ZNF212: variants seen among roughly 807,000 people sequenced by gnomAD.
ZNF212 encodes the protein zinc finger protein 212.
In ZNF212, 32 loss-of-function variants were observed where a neutral mutation model predicts 47.3. The observed-to-expected ratio is 0.68, with a 90% CI of 0.51 to 0.91. The LOEUF is 0.91. ZNF212 is among the 40% of genes least tolerant of loss of function. The probability of loss-of-function intolerance (pLI) is 0.00; values close to 1 mark genes in which losing one functional copy is unlikely to be tolerated. For synonymous variants in ZNF212, 242 were observed against 253.8 expected (o/e 0.95, Z 0.44); for missense variants, 555 against 622.8 (o/e 0.89, Z 1.16).
chr7:149,245,752 C>T (rs1796667319), intron 1 of ZNF212, among the ~76,000 whole-genome samples: 1 of 152,188 alleles, frequency 6.6e-6, no homozygotes, highest in South Asian at 2.1e-4. Context: ...AGCTGTCCTC[C>T]CGCCTCAAGC....
intron 1 of ZNF212, among the ~76,000 whole-genome samples, 198 bp from the exon 2 acceptor site, chr7:149,249,961 G>C (rs1006469521): frequency 1.4e-4 from 21 of 152,078 alleles, no homozygotes; most frequent in Non-Finnish European, 5.9e-5. Context: ...AAGATTTTGT[G>C]TAATATTTTC....
At chr7:149,252,226 G>T (rs1169621174) in intron 3 of ZNF212, among the ~76,000 whole-genome samples, 2 of 152,166 alleles carry the variant, frequency 1.3e-5, no homozygotes, top group Non-Finnish European at 2.9e-5. Flanking sequence ...GAGCAGAGTA[G>T]GAGGTAAAGG....
intron 1 of ZNF212, chr7:149,240,051 C>T: frequency 2.4e-6 from 1 of 409,912 alleles, no homozygotes. Context: ...CTGACGCTTG[C>T]TTTAGGTTGG....
chr7:149,248,972 A>G (rs1796715356), intron 1 of ZNF212, among the ~76,000 whole-genome samples: 1 of 152,102 alleles, frequency 6.6e-6, no homozygotes, highest in Non-Finnish European at 1.5e-5. Flanking sequence ...TATTTCCTCT[A>G]GTGTCTCGGT....
chr7:149,250,909 G>T, intron 3 of ZNF212, 102 bp downstream of exon 3: 2 of 1,510,442 alleles, frequency 1.3e-6, no homozygotes, highest in Non-Finnish European at 1.8e-6. Flanking sequence ...GTGGCTGTGG[G>T]TCCTCTGTCG....
chr7:149,254,426 C>T lies in ZNF212; in HGVS notation c.*11C>T. ...AATGGCCTGCTTTAAGGGTGCAGCC[C>T]CTCGCCCGTCTGGGGGATGGAGGGG... On this transcript the variant is annotated 3_prime_UTR_variant, in exon 5 of 5. Coordinates refer to ENST00000335870, the MANE Select transcript of ZNF212 (RefSeq NM_012256.4). This position sits in a 1 kb window ranked among gnomAD's most constrained non-coding sequence, Gnocchi z 4.5. 6.3e-7 allele frequency: 1 copy of T among 1,578,830 alleles called. No homozygotes were observed. Among genetic ancestry groups the T allele is most frequent in the Non-Finnish European group, 8.6e-7 (1 of 1,169,422 alleles).
At position 149,253,865 on chromosome 7, in the gene ZNF212, C is replaced by A; in HGVS notation, c.938C>A (p.Ser313Tyr). The change falls in exon 5 of 5, where the codon TCC (serine) becomes TAC (tyrosine). Residue 313 changes from serine to tyrosine, a missense_variant. Coordinates refer to ENST00000335870, the MANE Select transcript of ZNF212 (RefSeq NM_012256.4). ...GQGLKLKKDT[S>Y]RPYECSECEI... ...GGCCTGAAGCTGAAAAAGGACACTT[C>A]CCGCCCCTACGAATGTTCTGAGTGT... The A allele has an allele frequency of 6.2e-7, 1 of 1,614,060 alleles. No individual in the cohort carries two copies. Among genetic ancestry groups the A allele is most frequent in the Non-Finnish European group, 8.5e-7 (1 of 1,180,030 alleles).
chr7:149,254,369 G>C lies in ZNF212; in HGVS notation c.1442G>C (p.Arg481Pro). ...CACCAGAAGATCCACCAGCGGGAGC[G>C]GGGTGGGCTGGCCCTGGAGCCCGGA... ...LQHQKIHQRE[R>P]GGLALEPGRP... Residue 481 changes from arginine (R) to proline (P), a missense_variant, in exon 5 of 5, where the codon CGG (arginine) becomes CCG (proline). Coordinates refer to ENST00000335870, the MANE Select transcript of ZNF212 (RefSeq NM_012256.4). The surrounding 1 kb of genome is among the most constrained non-coding windows in gnomAD (Gnocchi z 4.5). The C allele has an allele frequency of 6.2e-7, 1 of 1,608,168 alleles. No homozygotes were observed. The highest frequency in any genetic ancestry group is 8.5e-7 in the Non-Finnish European group (1 of 1,179,894).
At chr7:149,249,070 G>A (rs1796716734) in intron 1 of ZNF212, among the ~76,000 whole-genome samples, 1 of 152,158 alleles carries the variant, frequency 6.6e-6, no homozygotes, top group African/African-American at 2.4e-5. Flanking sequence ...AGGGGGTTAG[G>A]ACTGAAGTGA....
In ZNF212 at chr7:149,250,420, G is replaced by A. The variant is rs145764415; in HGVS notation, c.286G>A (p.Val96Met). Residue 96 changes from valine to methionine, a missense_variant, in exon 2 of 5, where the codon GTG becomes ATG. Coordinates refer to ENST00000335870, the MANE Select transcript of ZNF212 (RefSeq NM_012256.4). ...GAACCAGCTGGAGGGCAAGTGGGCC[G>A]TGCTGGGGACCCTGCTGCAGGAGTA... ...FGNQLEGKWA[V>M]LGTLLQEYGL... The A allele has an allele frequency of 2.3e-5, 37 of 1,614,208 alleles. No individual in the cohort carries two copies. The highest frequency in any genetic ancestry group is 5.3e-5 in the African/African-American group (4 of 75,052).
intron 1 of ZNF212, 118 bp from the exon 2 acceptor site, chr7:149,250,041 G>T (rs1796730183): frequency 2.0e-6 from 2 of 1,008,564 alleles, no homozygotes; most frequent in Non-Finnish European, 2.6e-6. Context: ...ATCAATAAAA[G>T]ACATGCTTTT....
rs988119985 is a variant in ZNF212, at chr7:149,239,975, T to G, written c.24+173T>G. ...GCGACCCCAGTGCTCTGCCCTTTTT[T>G]CCCTCCGCTTCCTTCTGCAGCGGGG... On this transcript the variant is annotated intron_variant, in intron 1 of 4. Coordinates refer to ENST00000335870, the MANE Select transcript of ZNF212 (RefSeq NM_012256.4). 4 of 726,150 alleles carry G rather than the reference T, an allele frequency of 5.5e-6. No individual in the cohort carries two copies. In the East Asian group the frequency reaches 1.4e-4, roughly 25 times the overall value. The allele number at this position is 726,150 out of a possible 1,614,324, so 45.0% of individuals were successfully genotyped here.
At chr7:149,248,868 G>T (rs888172130) in intron 1 of ZNF212, among the ~76,000 whole-genome samples, 2 of 152,202 alleles carry the variant, frequency 1.3e-5, no homozygotes, top group South Asian at 2.1e-4. Flanking sequence ...GTAGGTCATG[G>T]CCAAACTTAA....
At chr7:149,243,433 C>CAAAAAAAAAA (rs869068988) in intron 1 of ZNF212, among the ~76,000 whole-genome samples, 7 of 56,038 alleles carry the variant, frequency 1.2e-4, no homozygotes, top group Non-Finnish European at 1.7e-4. Context: ...GACTCCGTCT[C>CAAAAAAAAAA]AAAAAAAAAA....
At chr7:149,243,859 G>T (rs751782794) in intron 1 of ZNF212, among the ~76,000 whole-genome samples, 2 of 152,170 alleles carry the variant, frequency 1.3e-5, no homozygotes, top group Non-Finnish European at 2.9e-5. Flanking sequence ...TAATACAGTG[G>T]CCACTAGGCA....
chr7:149,240,297 C>T (rs773503628), intron 1 of ZNF212, among the ~76,000 whole-genome samples: 62 of 152,190 alleles, frequency 4.1e-4, no homozygotes, highest in Non-Finnish European at 8.1e-4. Context: ...TGAAGTCAGC[C>T]TGGGCTGCTT....
At chr7:149,246,157 C>G (rs1796673192) in intron 1 of ZNF212, among the ~76,000 whole-genome samples, 1 of 152,154 alleles carries the variant, frequency 6.6e-6, no homozygotes, top group Non-Finnish European at 1.5e-5. Flanking sequence ...TACAAATATT[C>G]TCTCCTTGTT....
chr7:149,250,156 C>T lies in ZNF212; in HGVS notation c.25-3C>T, dbSNP rs756455927. 2.0e-6 allele frequency: 3 copies of T among 1,514,482 alleles called. No homozygotes were observed. The highest frequency in any genetic ancestry group is 1.8e-4 in the Middle Eastern group (1 of 5,592). 93.8% of individuals were successfully genotyped at this position (1,514,482 alleles called of 1,614,324 possible). Reference sequence around the variant, plus strand: ...CATTGACCCTGTGTCTTTAATCCATCAGCACAGGAGAAAACGACGCTCCAC... The same window carrying T: ...CATTGACCCTGTGTCTTTAATCCATTAGCACAGGAGAAAACGACGCTCCAC... On this transcript the variant is annotated splice_polypyrimidine_tract_variant and splice_region_variant and intron_variant, in intron 1 of 4. Coordinates refer to ENST00000335870, the MANE Select transcript of ZNF212 (RefSeq NM_012256.4).
At chr7:149,253,511 A>C in intron 4 of ZNF212, 48 bp from the exon 5 acceptor site, 1 of 1,546,484 alleles carries the variant, frequency 6.5e-7, no homozygotes, top group Non-Finnish European at 8.7e-7. Context: ...GAAGAAACCA[A>C]AGGTACTAGA....
Sources: allele counts gnomAD v4.1 joint callset (sites outside exome capture counted in the v4.1 genomes callset), GRCh38; gene constraint gnomAD v4.1.1; non-coding constraint Gnocchi (gnomAD v3.1); transcripts MANE v1.5; gene names NCBI Gene and HGNC (gene_info 2026-07-23, HGNC 2026-07-21).